Variants in DNER observed in about 807,000 individuals in gnomAD.
DNER encodes the protein delta/notch like EGF repeat containing.
In DNER, 33 loss-of-function variants were observed where a neutral mutation model predicts 78.2. That is an observed-to-expected ratio of 0.42 (90% confidence interval 0.32 to 0.56). The LOEUF (loss-of-function observed/expected upper bound fraction) is 0.56. Ranked by LOEUF, DNER falls within the 20% of genes least tolerant of loss-of-function variation. DNER has a pLI of 0.11. For synonymous variants in DNER, 417 were observed against 384.8 expected (o/e 1.08, Z -0.98); for missense variants, 918 against 975.3 (o/e 0.94, Z 0.78).
At chr2:229,506,521 CTT>C (rs67766962) in intron 6 of DNER, among the ~76,000 whole-genome samples, 3 of 145,726 alleles carry the variant, frequency 2.1e-5, no homozygotes, top group South Asian at 2.2e-4. Flanking sequence ...CTTTTTTTTT[CTT>C]TTTTTTTTTA....
intron 11 of DNER, among the ~76,000 whole-genome samples, chr2:229,369,542 G>T (rs1692433581): frequency 6.6e-6 from 1 of 152,104 alleles, no homozygotes; most frequent in African/African-American, 2.4e-5. Flanking sequence ...GACATGTGGT[G>T]GTGGTCCCTA....
rs1376979410 is a variant in DNER, at chr2:229,613,915, C to T, written c.277-22027G>A. The stretch of plus-strand genomic sequence containing the variant: ...TTTTTAAACCATCATTCTCAGCAAA[C>T]TATCACAAGGACAAAAAACCAAACA... On this transcript the variant is annotated intron_variant, in intron 1 of 12. Transcript: ENST00000341772. Among the ~76,000 whole-genome samples the T allele has an allele frequency of 2.0e-5, 3 of 150,610 alleles. No homozygotes were observed. In the East Asian group the frequency reaches 5.8e-4, roughly 29 times the overall value.
chr2:229,706,172 G>A (rs888844244), intron 1 of DNER, among the ~76,000 whole-genome samples: 2 of 151,968 alleles, frequency 1.3e-5, no homozygotes, highest in Non-Finnish European at 2.9e-5. Context: ...AAATAAAAAT[G>A]AAAAAATAAA....
At chr2:229,534,393 A>G (rs1050803781) in intron 5 of DNER, among the ~76,000 whole-genome samples, 1 of 152,250 alleles carries the variant, frequency 6.6e-6, no homozygotes, top group Non-Finnish European at 1.5e-5. Flanking sequence ...TAACAGACCA[A>G]TAGATTGTAA....
chr2:229,461,876 A>G (rs1381795456), intron 7 of DNER, among the ~76,000 whole-genome samples: 1 of 152,152 alleles, frequency 6.6e-6, no homozygotes, highest in Non-Finnish European at 1.5e-5. Context: ...AGAAAACACA[A>G]CAGCTCCAGA....
At position 229,389,873 on chromosome 2, in the gene DNER, C is replaced by T. The variant is rs780748160; in HGVS notation, c.1724-1477G>A. On this transcript the variant is annotated intron_variant, in intron 10 of 12. Coordinates refer to ENST00000341772, the MANE Select transcript of DNER (RefSeq NM_139072.4). ...GTTGATTATAATTCAGTAATATATA[C>T]GTGAATTTGTTTCCTGCAACAAATA... Among the ~76,000 whole-genome samples the T allele has an allele frequency of 5.8e-4, 88 of 152,224 alleles. 1 individual carries two copies. The highest frequency in any genetic ancestry group is 1.6e-3 in the African/African-American group (68 of 41,536).
chr2:229,688,587 A>T (rs1699522472), intron 1 of DNER, among the ~76,000 whole-genome samples: 1 of 152,192 alleles, frequency 6.6e-6, no homozygotes, highest in Non-Finnish European at 1.5e-5. Flanking sequence ...CAGCAGGGTG[A>T]ACCCTTCATG....
intron 1 of DNER, among the ~76,000 whole-genome samples, chr2:229,647,433 C>CACATCA (rs1698739061): frequency 1.3e-5 from 2 of 152,238 alleles, no homozygotes; most frequent in African/African-American, 4.8e-5. Flanking sequence ...TGAGAATATT[C>CACATCA]ACATCATTGC....
At chr2:229,439,080 G>T (rs937535506) in intron 8 of DNER, among the ~76,000 whole-genome samples, 1 of 152,176 alleles carries the variant, frequency 6.6e-6, no homozygotes, top group Non-Finnish European at 1.5e-5. Context: ...GGGGATTCAA[G>T]AAGCCAATTC....
At chr2:229,529,844 C>T (rs878872113) in intron 5 of DNER, among the ~76,000 whole-genome samples, 10 of 151,962 alleles carry the variant, frequency 6.6e-5, no homozygotes, top group Non-Finnish European at 1.5e-5. Flanking sequence ...CCTGTCTCTA[C>T]GAAAAATAAA....
chr2:229,558,394 A>G (rs1363091481), intron 4 of DNER, among the ~76,000 whole-genome samples: 1 of 152,216 alleles, frequency 6.6e-6, no homozygotes, highest in Non-Finnish European at 1.5e-5. Flanking sequence ...AGTTTTAAAA[A>G]AGAGAAAATA....
chr2:229,559,366 T>C (rs896988091), intron 4 of DNER, among the ~76,000 whole-genome samples: 4 of 152,168 alleles, frequency 2.6e-5, no homozygotes, highest in African/African-American at 9.7e-5. Flanking sequence ...ACAGTCATGA[T>C]ATAAACAGTT....
intron 4 of DNER, among the ~76,000 whole-genome samples, chr2:229,583,852 C>T (rs1247918628): frequency 6.6e-6 from 1 of 152,154 alleles, no homozygotes; most frequent in Non-Finnish European, 1.5e-5. Flanking sequence ...TCCTGATAGT[C>T]AAACACCAGT....
intron 6 of DNER, among the ~76,000 whole-genome samples, chr2:229,493,689 T>C (rs1414409419): frequency 6.6e-6 from 1 of 152,228 alleles, no homozygotes; most frequent in Non-Finnish European, 1.5e-5. Context: ...GAAGTCCTTA[T>C]TGAGCACCTG....
intron 1 of DNER, among the ~76,000 whole-genome samples, chr2:229,699,252 T>C (rs1699707711): frequency 6.6e-6 from 1 of 152,226 alleles, no homozygotes; most frequent in African/African-American, 2.4e-5. Context: ...ATGGTTGCAG[T>C]GTTCCAGCCT....
At chr2:229,564,652 T>C (rs751823258) in intron 4 of DNER, among the ~76,000 whole-genome samples, 4 of 149,440 alleles carry the variant, frequency 2.7e-5, no homozygotes, top group African/African-American at 9.9e-5. Flanking sequence ...ATCACCACCA[T>C]CATCATCACC....
intron 8 of DNER, among the ~76,000 whole-genome samples, chr2:229,446,192 A>C (rs915880959): frequency 2.6e-5 from 4 of 152,366 alleles, no homozygotes; most frequent in African/African-American, 9.6e-5. Context: ...AGAGATGTGA[A>C]GCACCCGGCT....
At chr2:229,593,508 T>A (rs938620695) in intron 1 of DNER, among the ~76,000 whole-genome samples, 2 of 152,254 alleles carry the variant, frequency 1.3e-5, no homozygotes, top group Admixed American at 6.5e-5. Context: ...AAATGTGAGC[T>A]GCACGAATTC....
At chr2:229,532,218 C>T (rs7589154) in intron 5 of DNER, among the ~76,000 whole-genome samples, 30,886 of 152,004 alleles carry the variant, frequency 0.2, 4,786 homozygotes, top group African/African-American at 0.44. Flanking sequence ...TGACATCACT[C>T]GCTCAGAAAA....
Sources: allele counts gnomAD v4.1 joint callset (sites outside exome capture counted in the v4.1 genomes callset), GRCh38; gene constraint gnomAD v4.1.1; transcripts MANE v1.5; gene names NCBI Gene and HGNC (gene_info 2026-07-23, HGNC 2026-07-21).